Variants in RHPN2 observed in about 807,000 individuals in gnomAD.
The protein encoded by RHPN2 is rhophilin Rho GTPase binding protein 2.
Under a neutral mutation model 79.0 loss-of-function variants are expected in RHPN2, and 40 were observed. The observed-to-expected ratio is 0.51, with a 90% CI of 0.39 to 0.66. The LOEUF (loss-of-function observed/expected upper bound fraction) is 0.66, where lower values mean the gene tolerates loss of function less well. RHPN2 is among the 30% of genes least tolerant of loss of function. The pLI, the probability that RHPN2 is intolerant of heterozygous loss-of-function variation, is 0.00. For synonymous variants in RHPN2, 285 were observed against 363.5 expected (o/e 0.78, Z 2.46); for missense variants, 686 against 883.5 (o/e 0.78, Z 2.83).
chr19:32,999,830 G>T, intron 9 of RHPN2, 125 bp from the exon 10 acceptor site: 1 of 1,289,862 alleles, frequency 7.8e-7, no homozygotes, highest in South Asian at 1.2e-5. Flanking sequence ...GGGATCATGG[G>T]TCTCCTTTCT....
At chr19:32,999,175 G>A (rs1238030804) in intron 10 of RHPN2, among the ~76,000 whole-genome samples, 1 of 152,018 alleles carries the variant, frequency 6.6e-6, no homozygotes, top group African/African-American at 2.4e-5. Flanking sequence ...TGGAGGTGAG[G>A]TCTGCACATG....
chr19:33,061,432 C>T (rs1010544283), intron 1 of RHPN2, among the ~76,000 whole-genome samples: 8 of 151,540 alleles, frequency 5.3e-5, no homozygotes, highest in Admixed American at 3.3e-4. Flanking sequence ...GTCTCGATCT[C>T]CTGACCTCGT....
At chr19:33,023,034 C>A (rs1311627818) in intron 3 of RHPN2, among the ~76,000 whole-genome samples, 1 of 152,178 alleles carries the variant, frequency 6.6e-6, no homozygotes, top group Non-Finnish European at 1.5e-5. Context: ...GCCTTCTGGC[C>A]TCCCTGAGTT....
chr19:33,038,749 C>G (rs1972077686), intron 2 of RHPN2, among the ~76,000 whole-genome samples: 1 of 152,190 alleles, frequency 6.6e-6, no homozygotes, highest in Admixed American at 6.6e-5. Context: ...CCTCGAACTC[C>G]TGGGCTCAGG....
intron 1 of RHPN2, among the ~76,000 whole-genome samples, chr19:33,048,745 A>AAAAAAAAAAAAC (rs1568326000): frequency 6.6e-6 from 1 of 150,808 alleles, no homozygotes; most frequent in Non-Finnish European, 1.5e-5. Flanking sequence ...AAAAAAAAAA[A>AAAAAAAAAAAAC]CTTTAATGTT....
intron 4 of RHPN2, among the ~76,000 whole-genome samples, chr19:33,015,253 T>C (rs7507376): frequency 0.31 from 46,434 of 149,400 alleles, 8,357 homozygotes; most frequent in East Asian, 0.5. Flanking sequence ...GGTGAAACCC[T>C]GTCTCTACTA....
At chr19:33,008,797 T>C (rs1025835027) in intron 6 of RHPN2, among the ~76,000 whole-genome samples, 7 of 152,102 alleles carry the variant, frequency 4.6e-5, no homozygotes, top group Admixed American at 3.9e-4. Context: ...CAAGAATGCA[T>C]GTGCACTGAG....
intron 2 of RHPN2, among the ~76,000 whole-genome samples, chr19:33,034,005 C>T: frequency 7.2e-6 from 1 of 139,534 alleles, no homozygotes; most frequent in Non-Finnish European, 1.5e-5. Flanking sequence ...CATGTCTCCC[C>T]CCTCCCATCT....
chr19:33,062,416 C>T (rs1281294966), intron 1 of RHPN2, among the ~76,000 whole-genome samples: 5 of 151,412 alleles, frequency 3.3e-5, no homozygotes, highest in African/African-American at 1.2e-4. Flanking sequence ...GAGCCGAGAT[C>T]GCGCCACTGC....
intron 2 of RHPN2, among the ~76,000 whole-genome samples, chr19:33,036,381 G>T (rs1272875697): frequency 6.6e-6 from 1 of 152,082 alleles, no homozygotes; most frequent in Non-Finnish European, 1.5e-5. Flanking sequence ...TGGTATACGT[G>T]TATAGTCCCA....
At chr19:33,052,998 G>C (rs1193199576) in intron 1 of RHPN2, among the ~76,000 whole-genome samples, 1 of 149,842 alleles carries the variant, frequency 6.7e-6, no homozygotes, top group Non-Finnish European at 1.5e-5. Flanking sequence ...TTGAGACGAA[G>C]TCTTGCTCTG....
intron 1 of RHPN2, among the ~76,000 whole-genome samples, chr19:33,059,103 A>T (rs1446604088): frequency 6.7e-6 from 1 of 149,604 alleles, no homozygotes; most frequent in Non-Finnish European, 1.5e-5. Flanking sequence ...TCAAAAAAAA[A>T]TAATAATAAT....
At chr19:33,035,651 G>A (rs1323911008) in intron 2 of RHPN2, among the ~76,000 whole-genome samples, 1 of 152,182 alleles carries the variant, frequency 6.6e-6, no homozygotes, top group East Asian at 1.9e-4. Context: ...GCTGGAAAAA[G>A]AGGCTGAGAC....
intron 4 of RHPN2, among the ~76,000 whole-genome samples, chr19:33,017,150 G>A (rs1263070983): frequency 9.9e-5 from 15 of 152,062 alleles, no homozygotes; most frequent in African/African-American, 3.1e-4. Flanking sequence ...AGGCTGAGGC[G>A]GGTGGATCAT....
At chr19:33,012,805 A>AC in intron 4 of RHPN2, 81 bp from the exon 5 acceptor site, 1 of 790,554 alleles carries the variant, frequency 1.3e-6, no homozygotes, top group Non-Finnish European at 2.2e-6. Context: ...TCAATTGTGA[A>AC]CCCATTTTTA....
At chr19:33,051,674 G>T in intron 1 of RHPN2, 1 of 202,418 alleles carries the variant, frequency 4.9e-6, no homozygotes, top group South Asian at 7.3e-5. Flanking sequence ...CAGCTACAGT[G>T]ACATTTCTGC....
chr19:32,993,446 C>T (rs1309735893), intron 12 of RHPN2, among the ~76,000 whole-genome samples: 2 of 152,036 alleles, frequency 1.3e-5, no homozygotes, highest in Non-Finnish European at 2.9e-5. Context: ...TGCACTCCAG[C>T]CTGGGCAACA....
At chr19:33,021,029 A>C (rs1971919837) in intron 4 of RHPN2, among the ~76,000 whole-genome samples, 1 of 152,224 alleles carries the variant, frequency 6.6e-6, no homozygotes, top group African/African-American at 2.4e-5. Context: ...CTAAAGACAT[A>C]ACCTAAACTG....
chr19:33,023,542 C>A (rs549701855), intron 3 of RHPN2, among the ~76,000 whole-genome samples: 1 of 151,710 alleles, frequency 6.6e-6, no homozygotes, highest in Non-Finnish European at 1.5e-5. Context: ...AATCCCAGCT[C>A]TTTGGGAGGC....
Sources: gnomAD v4.1 joint callset for allele counts (sites outside exome capture counted in the v4.1 genomes callset) on GRCh38, gnomAD v4.1.1 for gene constraint, MANE v1.5 for transcripts, NCBI Gene and HGNC (gene_info 2026-07-23, HGNC 2026-07-21) for gene names.